CHD6: variants seen among roughly 807,000 people sequenced by gnomAD.
CHD6 encodes the protein chromodomain helicase DNA binding protein 6, also known as ATP-dependent chromatin remodeler CHD6.
A neutral mutation model predicts 276.9 loss-of-function variants in CHD6; 50 were observed. The ratio of observed to expected loss-of-function variants is 0.18; its 90% confidence interval spans 0.14 to 0.23. The LOEUF (loss-of-function observed/expected upper bound fraction) is 0.23. Ranked by LOEUF, CHD6 falls within the 10% of genes least tolerant of loss-of-function variation. The pLI is 1.00. For synonymous variants in CHD6, 1,173 were observed against 1,229.3 expected, an observed-to-expected ratio of 0.95 and a Z score of 0.96; for missense variants, 2,564 against 3,365.8, an observed-to-expected ratio of 0.76 and a Z score of 5.89.
rs1285496569 is a variant in CHD6 at position 41,452,977 on chromosome 20, T to C, written c.3121-35A>G. The stretch of plus-strand genomic sequence containing the variant: ...GAGAGGACTACTGGGAAGAAAGTCC[T>C]CTTTTCTCTACTCCTTTCACAAAGC... On this transcript the variant is annotated intron_variant, in intron 20 of 36. Coordinates refer to ENST00000373233, the MANE Select transcript of CHD6 (RefSeq NM_032221.5). The surrounding 1 kb of genome is among the most constrained non-coding windows in gnomAD (Gnocchi z 4.2). 1.3e-6 allele frequency: 2 copies of C among 1,524,612 alleles called. No individual in the cohort carries two copies. Among genetic ancestry groups the C allele is most frequent in the African/African-American group, 2.7e-5 (2 of 73,092 alleles). The allele number at this position is 1,524,612 out of a possible 1,614,324, so 94.4% of individuals were successfully genotyped here.
chr20:41,440,231 CA>C, intron 25 of CHD6, 102 bp from the exon 26 acceptor site: 1 of 1,042,328 alleles, frequency 9.6e-7, no homozygotes, highest in Non-Finnish European at 1.4e-6. Flanking sequence ...AAGAACAAAA[CA>C]AACACAAAAA....
intron 25 of CHD6, among the ~76,000 whole-genome samples, chr20:41,443,796 C>T (rs1199176513): frequency 2.0e-5 from 3 of 152,174 alleles, no homozygotes; most frequent in Non-Finnish European, 4.4e-5. Flanking sequence ...TATTAAAAAC[C>T]CAGTCCTTCT....
At chr20:41,493,400 T>C in intron 10 of CHD6, 138 bp downstream of exon 10, 1 of 845,974 alleles carries the variant, frequency 1.2e-6, no homozygotes, top group South Asian at 1.7e-5. Flanking sequence ...AAACACTGAA[T>C]TGAGGGTTCA....
At chr20:41,552,483 T>C (rs2045161003) in intron 1 of CHD6, among the ~76,000 whole-genome samples, 1 of 152,254 alleles carries the variant, frequency 6.6e-6, no homozygotes, top group African/African-American at 2.4e-5. Flanking sequence ...CACATTGTAT[T>C]CATAAATGAT....
rs747313097 is a variant in CHD6 at position 41,554,515 on chromosome 20, T to C, written c.-23-3155A>G. Among the ~76,000 whole-genome samples the C allele has an allele frequency of 3.9e-3, 591 of 151,614 alleles. 3 individuals carry two copies. Among genetic ancestry groups the C allele is most frequent in the Non-Finnish European group, 5.9e-3 (403 of 67,768 alleles). On this transcript the variant is annotated intron_variant, in intron 1 of 36. Transcript: ENST00000373233. ...AACAAGTGAACAAAGGTCTCTGGTT[T>C]TCCTAGGCAGAGGACCCTGCGGCCT...
chr20:41,424,685 T>G (rs1040273052), intron 29 of CHD6, among the ~76,000 whole-genome samples: 3 of 152,222 alleles, frequency 2.0e-5, no homozygotes, highest in African/African-American at 7.2e-5. Context: ...ATGCTGGCCT[T>G]CTGTAAGCCT....
intron 2 of CHD6, among the ~76,000 whole-genome samples, chr20:41,543,102 CAAAAA>C (rs568067367): frequency 2.5e-5 from 2 of 80,710 alleles, no homozygotes; most frequent in African/African-American, 5.3e-5. Context: ...GACTCTGTCT[CAAAAA>C]AAAAAAAAAA....
At chr20:41,613,470 TGCAAGG>T (rs759277214) in intron 1 of CHD6, among the ~76,000 whole-genome samples, 1 of 152,190 alleles carries the variant, frequency 6.6e-6, no homozygotes, top group Non-Finnish European at 1.5e-5. Context: ...TCTATCAGGC[TGCAAGG>T]GCAAGGGCAA....
chr20:41,417,948 C>T (rs769848701), intron 31 of CHD6, among the ~76,000 whole-genome samples: 7 of 152,210 alleles, frequency 4.6e-5, no homozygotes, highest in South Asian at 4.1e-4. Context: ...AATGTGTCAA[C>T]GTGAATGGAT....
chr20:41,578,551 G>A (rs536804128), intron 1 of CHD6, among the ~76,000 whole-genome samples: 1 of 152,048 alleles, frequency 6.6e-6, no homozygotes, highest in East Asian at 1.9e-4. Context: ...GTAGGGGCAG[G>A]CGCCTATAAT....
intron 1 of CHD6, among the ~76,000 whole-genome samples, chr20:41,569,057 T>C (rs1490305070): frequency 6.6e-6 from 1 of 152,170 alleles, no homozygotes; most frequent in Non-Finnish European, 1.5e-5. Flanking sequence ...AACTAGTCTG[T>C]TGGGGAAAAT....
At chr20:41,584,433 A>G (rs1601167060) in intron 1 of CHD6, among the ~76,000 whole-genome samples, 1 of 152,264 alleles carries the variant, frequency 6.6e-6, no homozygotes, top group East Asian at 1.9e-4. Flanking sequence ...GTGTAGAAAA[A>G]AATTTCTATC....
At chr20:41,551,741 C>T (rs1420925938) in intron 1 of CHD6, among the ~76,000 whole-genome samples, 1 of 152,028 alleles carries the variant, frequency 6.6e-6, no homozygotes, top group East Asian at 1.9e-4. Flanking sequence ...AGAAAACAAT[C>T]AATGATGTCT....
intron 1 of CHD6, among the ~76,000 whole-genome samples, chr20:41,579,437 C>CAAAAAAAGAAA (rs2045512133): frequency 1.4e-5 from 1 of 69,976 alleles, no homozygotes; most frequent in South Asian, 4.9e-4. Context: ...GACTCTGTCT[C>CAAAAAAAGAAA]AAAAAAAAAA....
rs530226289 is a variant in CHD6, at chr20:41,516,632, C to T, written c.555-1680G>A. On this transcript the variant is annotated intron_variant, in intron 3 of 36. Transcript: ENST00000373233. The stretch of plus-strand genomic sequence containing the variant: ...ATCATAGCATTCTTGGGGAATAGAA[C>T]AGTGTTTTGGATACATTTAGTAAAA... 2.6e-5 allele frequency among the ~76,000 whole-genome samples: 4 copies of T among 152,074 alleles called. No homozygotes were observed. The South Asian group carries it at 6.2e-4, about 24-fold the overall frequency.
intron 23 of CHD6, among the ~76,000 whole-genome samples, chr20:41,449,515 A>G (rs1406060908): frequency 6.6e-6 from 1 of 152,206 alleles, no homozygotes; most frequent in Non-Finnish European, 1.5e-5. Flanking sequence ...CTCCAAATGG[A>G]AGGGAAATCA....
chr20:41,573,601 G>A (rs2045441698), intron 1 of CHD6, among the ~76,000 whole-genome samples: 1 of 152,082 alleles, frequency 6.6e-6, no homozygotes, highest in South Asian at 2.1e-4. Flanking sequence ...CCAAGAAAGA[G>A]GGTTAAGACC....
Position 41,422,227 on chromosome 20 carries a change from G to A in CHD6, c.4556-148C>T, listed in dbSNP as rs2047218566. The A allele has an allele frequency of 1.1e-4, 80 of 726,446 alleles. 6 individuals carry two copies. The South Asian group carries it at 1.6e-3, about 15-fold the overall frequency. The allele number at this position is 726,446 out of a possible 1,614,324, so 45.0% of individuals were successfully genotyped here. The stretch of plus-strand genomic sequence containing the variant: ...GGTGTGTGAGCCCTTGCCAAAATAG[G>A]AAACTGAAAAAGAATGGAAGGCTTT... On this transcript the variant is annotated intron_variant, in intron 30 of 36. Coordinates refer to ENST00000373233, the MANE Select transcript of CHD6 (RefSeq NM_032221.5).
chr20:41,585,331 G>C (rs549292234), intron 1 of CHD6, among the ~76,000 whole-genome samples: 1 of 151,800 alleles, frequency 6.6e-6, no homozygotes, highest in African/African-American at 2.4e-5. Flanking sequence ...TGGAGAAACC[G>C]TCTTTACTAA....
Sources: allele counts gnomAD v4.1 joint callset (sites outside exome capture counted in the v4.1 genomes callset), GRCh38; gene constraint gnomAD v4.1.1; non-coding constraint Gnocchi (gnomAD v3.1); transcripts MANE v1.5; gene names NCBI Gene and HGNC (gene_info 2026-07-23, HGNC 2026-07-21).